The following NTM variants were observed in gnomAD, a reference collection of about 807,000 sequenced individuals.
NTM encodes the protein IgLON family member 2.
In NTM, 13 loss-of-function variants were observed where a neutral mutation model predicts 42.1. The ratio of observed to expected loss-of-function variants is 0.31; its 90% CI spans 0.20 to 0.49. The LOEUF is 0.49. NTM is among the 20% of genes least tolerant of loss of function. NTM has a pLI of 0.99. For synonymous variants in NTM, 187 were observed against 179.2 expected, an observed-to-expected ratio of 1.04 and a Z score of -0.35; for missense variants, 373 against 452.8, an observed-to-expected ratio of 0.82 and a Z score of 1.60.
chr11:131,413,857 T>C (rs1265394236), intron 1 of NTM, among the ~76,000 whole-genome samples: 1 of 152,014 alleles, frequency 6.6e-6, no homozygotes, highest in Non-Finnish European at 1.5e-5. Context: ...ACTGTGTTGA[T>C]CTGGCTGTGA....
intron 1 of NTM, among the ~76,000 whole-genome samples, chr11:131,761,848 T>C (rs1020516638): frequency 5.5e-5 from 8 of 144,782 alleles, no homozygotes; most frequent in South Asian, 2.1e-4. Flanking sequence ...AATAAATAAA[T>C]AAATAAATAA....
intron 2 of NTM, among the ~76,000 whole-genome samples, chr11:132,040,528 A>C (rs2077045487): frequency 6.8e-6 from 1 of 147,254 alleles, no homozygotes; most frequent in African/African-American, 2.7e-5. Context: ...GCCCCATGAC[A>C]AAAAATGTTG....
chr11:131,498,780 G>T (rs746786799), intron 1 of NTM, among the ~76,000 whole-genome samples: 1 of 152,206 alleles, frequency 6.6e-6, no homozygotes, highest in African/African-American at 2.4e-5. Flanking sequence ...GCCAGGAGGG[G>T]GTGGCCACTT....
intron 2 of NTM, among the ~76,000 whole-genome samples, chr11:131,953,692 C>T (rs892802359): frequency 2.6e-5 from 4 of 151,992 alleles, no homozygotes; most frequent in Non-Finnish European, 5.9e-5. Context: ...AAAATGATCA[C>T]AGGCACTCAG....
chr11:132,279,944 C>T (rs1005315760), intron 4 of NTM, among the ~76,000 whole-genome samples: 2 of 152,154 alleles, frequency 1.3e-5, no homozygotes, highest in Non-Finnish European at 2.9e-5. Context: ...ATTCATTCAA[C>T]AAATAATGAC....
At chr11:132,158,810 T>G (rs1485603336) in intron 3 of NTM, among the ~76,000 whole-genome samples, 1 of 152,190 alleles carries the variant, frequency 6.6e-6, no homozygotes, top group Non-Finnish European at 1.5e-5. Context: ...CAGTGTGCAT[T>G]TTCTTAGCAA....
intron 2 of NTM, among the ~76,000 whole-genome samples, chr11:131,935,273 G>A (rs1164760742): frequency 6.6e-6 from 1 of 152,210 alleles, no homozygotes; most frequent in Non-Finnish European, 1.5e-5. Flanking sequence ...AGTACTCAGA[G>A]ATTTCTTTGC....
intron 2 of NTM, among the ~76,000 whole-genome samples, chr11:132,072,705 G>A (rs1477752587): frequency 2.0e-5 from 3 of 152,092 alleles, no homozygotes; most frequent in African/African-American, 7.2e-5. Flanking sequence ...CAAGACAGGA[G>A]GCCCAGTTCA....
chr11:132,066,294 G>C (rs1594275584), intron 2 of NTM, among the ~76,000 whole-genome samples: 1 of 152,166 alleles, frequency 6.6e-6, no homozygotes, highest in Admixed American at 6.5e-5. Flanking sequence ...CTGAGGAACT[G>C]TTCCAAGGCT....
intron 3 of NTM, among the ~76,000 whole-genome samples, chr11:132,189,643 C>A (rs1257011999): frequency 7.7e-6 from 1 of 129,996 alleles, no homozygotes; most frequent in Non-Finnish European, 1.6e-5. Flanking sequence ...ACGGCAGATA[C>A]ACACACACAC....
intron 2 of NTM, among the ~76,000 whole-genome samples, chr11:132,006,571 A>C (rs1426578566): frequency 6.6e-6 from 1 of 152,232 alleles, no homozygotes; most frequent in African/African-American, 2.4e-5. Flanking sequence ...TCTCAGACTT[A>C]AAGACAGCCC....
chr11:131,429,836 G>A (rs1948505835), intron 1 of NTM, among the ~76,000 whole-genome samples: 1 of 152,194 alleles, frequency 6.6e-6, no homozygotes, highest in Non-Finnish European at 1.5e-5. Flanking sequence ...CTGGTCTCCT[G>A]AAATAGCTTG....
At chr11:132,006,423 C>A (rs559810289) in intron 2 of NTM, among the ~76,000 whole-genome samples, 1 of 152,108 alleles carries the variant, frequency 6.6e-6, no homozygotes. Flanking sequence ...AAATAATAAC[C>A]CAACAATGAG....
chr11:131,684,015 T>C (rs776251757), intron 1 of NTM, among the ~76,000 whole-genome samples: 13 of 152,124 alleles, frequency 8.5e-5, no homozygotes, highest in Non-Finnish European at 1.0e-4. Flanking sequence ...TTCAGCAGAG[T>C]TGGGTTCTAA....
chr11:131,487,787 A>G (rs1429065869), intron 1 of NTM, among the ~76,000 whole-genome samples: 1 of 152,208 alleles, frequency 6.6e-6, no homozygotes, highest in African/African-American at 2.4e-5. Context: ...GGCTGGAGCC[A>G]TGGAGGAAGG....
chr11:132,288,385 T>A (rs1457199690), intron 4 of NTM, among the ~76,000 whole-genome samples: 3 of 152,244 alleles, frequency 2.0e-5, no homozygotes, highest in Admixed American at 6.5e-5. Context: ...TTCTGACATA[T>A]GAAATATAAT....
chr11:132,326,224 G>T (rs2136360574), intron 7 of NTM, among the ~76,000 whole-genome samples: 1 of 152,112 alleles, frequency 6.6e-6, no homozygotes, highest in Middle Eastern at 3.4e-3. Context: ...GGAAGTGAGA[G>T]AGCCTAGAGC....
intron 1 of NTM, among the ~76,000 whole-genome samples, chr11:131,768,609 A>G (rs928005105): frequency 2.0e-5 from 3 of 152,222 alleles, no homozygotes; most frequent in South Asian, 2.1e-4. Flanking sequence ...ACAAACAGCT[A>G]AAGTCAATAA....
intron 3 of NTM, among the ~76,000 whole-genome samples, chr11:132,210,138 C>T (rs935985482): frequency 2.6e-5 from 4 of 152,166 alleles, no homozygotes; most frequent in African/African-American, 9.7e-5. Context: ...CTGGGCTCTC[C>T]GGCAGGCCCG....
Sources: allele counts gnomAD v4.1 joint callset (sites outside exome capture counted in the v4.1 genomes callset), GRCh38; gene constraint gnomAD v4.1.1; transcripts MANE v1.5; gene names NCBI Gene and HGNC (gene_info 2026-07-23, HGNC 2026-07-21).